Variants in SLC16A9 observed in about 807,000 individuals in gnomAD.
SLC16A9 encodes monocarboxylate transporter 9.
SLC16A9 carries 26 observed loss-of-function variants against 44.3 expected under a neutral mutation model. The ratio of observed to expected loss-of-function variants is 0.59; its 90% CI spans 0.43 to 0.81. SLC16A9 has a LOEUF of 0.81. Ranked by LOEUF, SLC16A9 falls within the 40% of genes least tolerant of loss-of-function variation. The pLI, the probability that SLC16A9 is intolerant of heterozygous loss-of-function variation, is 0.00. For missense variants in SLC16A9, 559 were observed against 595.8 expected (o/e 0.94, Z 0.64); for synonymous variants, 230 against 225.1 (o/e 1.02, Z -0.19).
At chr10:59,676,232 T>C (rs1419679160) in intron 2 of SLC16A9, among the ~76,000 whole-genome samples, 1 of 152,232 alleles carries the variant, frequency 6.6e-6, no homozygotes, top group African/African-American at 2.4e-5. Context: ...ATTTATAGAT[T>C]CTATTCACAT....
chr10:59,703,617 C>T (rs749769668), intron 1 of SLC16A9, among the ~76,000 whole-genome samples: 5 of 152,114 alleles, frequency 3.3e-5, no homozygotes, highest in Non-Finnish European at 7.4e-5. Context: ...TGGCACCACT[C>T]AGGCCAAATC....
At chr10:59,702,456 C>A (rs915910912) in intron 1 of SLC16A9, among the ~76,000 whole-genome samples, 1 of 152,124 alleles carries the variant, frequency 6.6e-6, no homozygotes. Context: ...AAGGGCAAAT[C>A]GTGGCTCAAA....
chr10:59,689,806 A>G (rs7094971), intron 1 of SLC16A9, among the ~76,000 whole-genome samples: 19,754 of 152,244 alleles, frequency 0.13, 1,373 homozygotes, highest in Non-Finnish European at 0.14. Flanking sequence ...GACAAAGGTA[A>G]AGCTGAGGAA....
In SLC16A9 at chr10:59,664,252, G is replaced by T. The variant is rs1564698519; in HGVS notation, c.411C>A (p.Gly137=). The change falls in exon 4 of 6, where the codon GGC becomes GGA. Residue 137 remains glycine (G), a synonymous_variant. Transcript: ENST00000395348. ...CTGTTGAAATCAGGCCAAGCGCTAG[G>T]CCTCGGCGATCGTCAAAATACTGGC... ...ITCQYFDDRR[G]LALGLISTGS... 2 of 1,611,788 alleles carry T rather than the reference G, an allele frequency of 1.2e-6. No homozygotes were observed. Among genetic ancestry groups the T allele is most frequent in the Admixed American group, 1.7e-5 (1 of 59,828 alleles).
intron 4 of SLC16A9, among the ~76,000 whole-genome samples, chr10:59,657,478 G>A (rs1000880114): frequency 6.6e-6 from 1 of 152,186 alleles, no homozygotes; most frequent in Non-Finnish European, 1.5e-5. Context: ...TTGACTGAAG[G>A]TGGGTTCATA....
rs142913788 is a variant in SLC16A9 at position 59,654,549 on chromosome 10, C to T, written c.477G>A (p.Arg159=). 2 of 1,605,010 alleles carry T rather than the reference C, an allele frequency of 1.2e-6. No individual in the cohort carries two copies. Among genetic ancestry groups the T allele is most frequent in the African/African-American group, 2.7e-5 (2 of 74,998 alleles). The change falls in exon 5 of 6, where the codon AGG becomes AGA. Residue 159 remains arginine, a synonymous_variant. Transcript: ENST00000395348. ...VGLFIYAALQ[R]MLVEFYGLDG... is the part of the protein sequence containing the mutation. Reference sequence around the variant, plus strand: ...CCAGTCCATAGAACTCAACCAGCATCCTCTGCAGAGCAGCATATATGAAAA... The same window carrying T: ...CCAGTCCATAGAACTCAACCAGCATTCTCTGCAGAGCAGCATATATGAAAA...
In SLC16A9 at chr10:59,704,357, G is replaced by C. The variant is rs574755881; in HGVS notation, c.-37+5122C>G. On this transcript the variant is annotated intron_variant, in intron 1 of 5. Transcript: ENST00000395348. ...ATCCGGGTAAACCTTGTGAAGATTTGTGATTGCCACCACTTATCTTATTCA... is the reference window on the plus strand; with the variant it reads ...ATCCGGGTAAACCTTGTGAAGATTTCTGATTGCCACCACTTATCTTATTCA... Among the ~76,000 whole-genome samples the C allele has an allele frequency of 2.0e-5, 3 of 152,204 alleles. No homozygotes were observed. The East Asian group carries it at 5.8e-4, about 29-fold the overall frequency.
chr10:59,668,118 C>A (rs1010072318), intron 3 of SLC16A9, among the ~76,000 whole-genome samples: 1 of 152,006 alleles, frequency 6.6e-6, no homozygotes, highest in African/African-American at 2.4e-5. Context: ...GCTGTCTCAG[C>A]CTTCAGTACT....
At position 59,684,059 on chromosome 10, in the gene SLC16A9, T is replaced by C. The variant is rs778349016; in HGVS notation, c.196+37A>G. On this transcript the variant is annotated intron_variant, in intron 2 of 5. Coordinates refer to ENST00000395348, the MANE Select transcript of SLC16A9 (RefSeq NM_194298.3). ...TGATGTAGTAAATGTAATTAAATGA[T>C]TAAAGAGTAAAGAGAGGCATTAATT... 8 of 1,542,680 alleles carry C rather than the reference T, an allele frequency of 5.2e-6. No individual in the cohort carries two copies. The East Asian group carries it at 1.6e-4, about 31-fold the overall frequency.
chr10:59,672,762 T>A lies in SLC16A9; in HGVS notation c.340+8A>T. 3.1e-6 allele frequency: 5 copies of A among 1,609,978 alleles called. No homozygotes were observed. Among genetic ancestry groups the A allele is most frequent in the Non-Finnish European group, 4.2e-6 (5 of 1,178,536 alleles). The stretch of plus-strand genomic sequence containing the variant: ...GGTTAGGAAAGTCATAGTGACGAGG[T>A]TCCTTACCTACAACAATGCCATAGG... On this transcript the variant is annotated splice_region_variant and intron_variant, in intron 3 of 5. Transcript: ENST00000395348.
At chr10:59,687,751 A>T (rs1429951212) in intron 1 of SLC16A9, among the ~76,000 whole-genome samples, 1 of 152,108 alleles carries the variant, frequency 6.6e-6, no homozygotes, top group Non-Finnish European at 1.5e-5. Flanking sequence ...GCTTGAGCCC[A>T]GGAGTTCGAG....
At chr10:59,685,154 T>G (rs1293796025) in intron 1 of SLC16A9, among the ~76,000 whole-genome samples, 1 of 152,220 alleles carries the variant, frequency 6.6e-6, no homozygotes, top group Admixed American at 6.5e-5. Flanking sequence ...ATACATTACA[T>G]TCCCCACCTT....
At position 59,654,568 on chromosome 10, in the gene SLC16A9, A is replaced by G. The variant is rs766901996; in HGVS notation, c.458T>C (p.Ile153Thr). Reference protein sequence around the residue: ...ISTGSSVGLFIYAALQRMLVE... With the variant: ...ISTGSSVGLFTYAALQRMLVE... Reference sequence around the variant, plus strand: ...CAGCATCCTCTGCAGAGCAGCATATATGAAAAGGCCAACGCTTGAACCTAA... The same window carrying G: ...CAGCATCCTCTGCAGAGCAGCATATGTGAAAAGGCCAACGCTTGAACCTAA... Residue 153 changes from isoleucine (I) to threonine (T), a missense_variant, in exon 5 of 6, where the codon ATA becomes ACA. Ile to Thr is a moderately conservative substitution (Grantham distance 89, BLOSUM62 -1). Transcript: ENST00000395348. 6.3e-7 allele frequency: 1 copy of G among 1,590,732 alleles called. No homozygotes were observed. Among genetic ancestry groups the G allele is most frequent in the South Asian group, 1.1e-5 (1 of 88,874 alleles).
intron 1 of SLC16A9, among the ~76,000 whole-genome samples, chr10:59,696,358 G>C (rs1211428027): frequency 6.6e-6 from 1 of 152,204 alleles, no homozygotes; most frequent in Non-Finnish European, 1.5e-5. Context: ...CGCCAGCCTC[G>C]GCCTCCCGAG....
intron 2 of SLC16A9, among the ~76,000 whole-genome samples, chr10:59,673,398 T>G (rs1332161650): frequency 6.6e-6 from 1 of 152,194 alleles, no homozygotes; most frequent in Non-Finnish European, 1.5e-5. Flanking sequence ...TGTAACAGAA[T>G]TTAAGTGATA....
chr10:59,704,443 A>T (rs1840596389), intron 1 of SLC16A9, among the ~76,000 whole-genome samples: 1 of 152,236 alleles, frequency 6.6e-6, no homozygotes, highest in African/African-American at 2.4e-5. Flanking sequence ...AGGAGAGAAC[A>T]GTTTCAGGAT....
In SLC16A9 at chr10:59,653,705, G is replaced by C; in HGVS notation, c.1321C>G (p.Leu441Val). 6.2e-7 allele frequency: 1 copy of C among 1,613,770 alleles called. No individual in the cohort carries two copies. Among genetic ancestry groups the C allele is most frequent in the East Asian group, 2.2e-5 (1 of 44,860 alleles). ...AYGILMFFAG[L>V]GNSLGPPIVG... is the part of the protein sequence containing the mutation. ...ATGGGTGGTCCTAGGCTATTTCCAA[G>C]TCCAGCAAAGAACATTAATATCCCA... is the stretch of plus-strand genomic sequence containing the variant. Residue 441 changes from leucine (L) to valine (V), a missense_variant, in exon 5 of 6, where the codon CTT becomes GTT. Transcript: ENST00000395348.
intron 4 of SLC16A9, among the ~76,000 whole-genome samples, chr10:59,663,075 A>C (rs955193306): frequency 6.6e-6 from 1 of 152,162 alleles, no homozygotes; most frequent in Non-Finnish European, 1.5e-5. Context: ...TGTGGCATGT[A>C]TAGGCCAGGC....
At chr10:59,697,962 T>A (rs1403098229) in intron 1 of SLC16A9, among the ~76,000 whole-genome samples, 65 of 136,068 alleles carry the variant, frequency 4.8e-4, no homozygotes, top group Non-Finnish European at 6.0e-4. Flanking sequence ...GGGCACACAG[T>A]AAAAAAAAAA....
Sources: allele counts gnomAD v4.1 joint callset (sites outside exome capture counted in the v4.1 genomes callset), GRCh38; gene constraint gnomAD v4.1.1; transcripts MANE v1.5; gene names NCBI Gene and HGNC (gene_info 2026-07-23, HGNC 2026-07-21).